The following CEMIP variants were observed in gnomAD, a reference collection of about 807,000 sequenced individuals.
The protein encoded by CEMIP is cell migration-inducing and hyaluronan-binding protein.
CEMIP carries 105 observed loss-of-function variants against 156.9 expected under a neutral mutation model. That is an observed-to-expected ratio of 0.67 (90% CI 0.57 to 0.79). The LOEUF is 0.79. CEMIP is among the 30% of genes least tolerant of loss of function. CEMIP has a pLI of 0.00. For missense variants in CEMIP, 1,457 were observed against 1,769.4 expected (o/e 0.82, Z 3.17); for synonymous variants, 676 against 668.4 (o/e 1.01, Z -0.17).
intron 1 of CEMIP, among the ~76,000 whole-genome samples, chr15:80,819,117 G>A (rs1896854936): frequency 6.6e-6 from 1 of 152,182 alleles, no homozygotes; most frequent in Non-Finnish European, 1.5e-5. Context: ...AGTTTCCACA[G>A]GCTAGCCAGA....
intron 9 of CEMIP, 38 bp from the exon 10 acceptor site, chr15:80,889,433 A>C: frequency 6.2e-7 from 1 of 1,613,634 alleles, no homozygotes. Context: ...CCTCACAGAC[A>C]ACCTCCTGTC....
At chr15:80,838,250 C>G (rs189028581) in intron 1 of CEMIP, among the ~76,000 whole-genome samples, 6 of 152,152 alleles carry the variant, frequency 3.9e-5, no homozygotes, top group Admixed American at 3.3e-4. Context: ...GCTGGAGCAA[C>G]GGGTCTTGCA....
Position 80,879,838 on chromosome 15 carries a change from A to C in CEMIP, c.364A>C (p.Ile122Leu). The C allele has an allele frequency of 6.2e-7, 1 of 1,614,166 alleles. No individual in the cohort carries two copies. Among genetic ancestry groups the C allele is most frequent in the Non-Finnish European group, 8.5e-7 (1 of 1,180,008 alleles). Residue 122 changes from isoleucine to leucine, a missense_variant, in exon 5 of 30, where the codon ATC becomes CTC. Transcript: ENST00000394685. ...ALCPFQGNFT[I>L]ILYGRADEGI... is the part of the protein sequence containing the mutation. ...CTGCCCTTTCCAGGGCAATTTCACC[A>C]TCATTTTGTATGGAAGGTGCGTAGA...
intron 9 of CEMIP, among the ~76,000 whole-genome samples, chr15:80,889,122 A>T (rs746601894): frequency 8.5e-5 from 13 of 152,220 alleles, no homozygotes; most frequent in African/African-American, 1.7e-4. Context: ...CCTGCCCTCC[A>T]AATAGCCCAC....
chr15:80,868,119 G>T (rs1898181016), intron 1 of CEMIP, among the ~76,000 whole-genome samples: 1 of 152,104 alleles, frequency 6.6e-6, no homozygotes, highest in South Asian at 2.1e-4. Context: ...TCCTCCAGGA[G>T]CCACGGCATG....
rs371136482 is a variant in CEMIP at position 80,900,822 on chromosome 15, C to T, written c.1411+4762C>T. The stretch of plus-strand genomic sequence containing the variant: ...CTTCTCCCTTTTCTGTGAGCCCCAC[C>T]CACCCACCTAGGGACACAGCTATCT... On this transcript the variant is annotated intron_variant, in intron 12 of 29. Coordinates refer to ENST00000394685, the MANE Select transcript of CEMIP (RefSeq NM_001293298.2). 475 of 379,058 alleles carry T rather than the reference C, an allele frequency of 1.3e-3. 5 individuals are homozygous for T. The highest frequency in any genetic ancestry group is 8.8e-3 in the South Asian group (460 of 52,324). The allele number at this position is 379,058 out of a possible 1,614,324, so 23.5% of individuals were successfully genotyped here.
chr15:80,800,754 G>A (rs966911981), intron 1 of CEMIP, among the ~76,000 whole-genome samples: 5 of 152,116 alleles, frequency 3.3e-5, no homozygotes, highest in Admixed American at 1.3e-4. Flanking sequence ...TGATATTCTC[G>A]CCATCTCTGT....
intron 12 of CEMIP, among the ~76,000 whole-genome samples, chr15:80,904,526 C>CTCCCTT (rs1899710542): frequency 6.6e-6 from 1 of 152,124 alleles, no homozygotes; most frequent in Admixed American, 6.5e-5. Context: ...AATTAAGGTT[C>CTCCCTT]TGGAGATGGG....
At chr15:80,907,678 A>G (rs1899867441) in intron 13 of CEMIP, among the ~76,000 whole-genome samples, 2 of 152,244 alleles carry the variant, frequency 1.3e-5, no homozygotes, top group Non-Finnish European at 1.5e-5. Flanking sequence ...TTACCGCACA[A>G]TATAGGAAAA....
rs1286637992 is a variant in CEMIP, at chr15:80,951,379, C to A, written c.*2455C>A. On this transcript the variant is annotated 3_prime_UTR_variant, in exon 30 of 30. Transcript: ENST00000394685. ...ATATCTAGGCATTTTCTTGGTAGCA[C>A]AAATTTTCTTATTGCTTAGAAAATT... 1 of 152,590 alleles carries A rather than the reference C, an allele frequency of 6.6e-6. No individual in the cohort carries two copies. The highest frequency in any genetic ancestry group is 2.4e-5 in the African/African-American group (1 of 41,436). 9.5% of individuals were successfully genotyped at this position (152,590 alleles called of 1,614,324 possible).
At chr15:80,907,167 G>C (rs1020243494) in intron 13 of CEMIP, among the ~76,000 whole-genome samples, 4 of 152,276 alleles carry the variant, frequency 2.6e-5, no homozygotes, top group Admixed American at 1.3e-4. Flanking sequence ...TTATTGCCCT[G>C]ATCACTTCCT....
intron 1 of CEMIP, among the ~76,000 whole-genome samples, chr15:80,822,221 G>C (rs1033103716): frequency 1.3e-5 from 2 of 152,138 alleles, no homozygotes; most frequent in Non-Finnish European, 2.9e-5. Flanking sequence ...TCCCAGTGCC[G>C]AGCCCAGAGC....
chr15:80,931,807 C>T, intron 21 of CEMIP, 52 bp from the exon 22 acceptor site: 2 of 1,574,252 alleles, frequency 1.3e-6, no homozygotes, highest in Non-Finnish European at 1.7e-6. Context: ...TTCCTTAACT[C>T]CATAGGAATG....
intron 1 of CEMIP, among the ~76,000 whole-genome samples, chr15:80,796,189 G>T (rs1896218837): frequency 6.6e-6 from 1 of 152,166 alleles, no homozygotes; most frequent in Non-Finnish European, 1.5e-5. Context: ...GCCTAGGCTG[G>T]TTTCAAATTC....
chr15:80,939,449 T>C (rs750340505), intron 25 of CEMIP, among the ~76,000 whole-genome samples: 23 of 152,176 alleles, frequency 1.5e-4, no homozygotes, highest in Non-Finnish European at 3.2e-4. Context: ...CTAGGAAATA[T>C]TATGATTAAA....
At chr15:80,921,852 A>G (rs1900484267) in intron 16 of CEMIP, among the ~76,000 whole-genome samples, 157 bp from the exon 17 acceptor site, 2 of 152,164 alleles carry the variant, frequency 1.3e-5, no homozygotes, top group South Asian at 2.1e-4. Flanking sequence ...CCCAGACTGG[A>G]CCACATGGAG....
chr15:80,944,391 G>A (rs901205356), intron 28 of CEMIP, among the ~76,000 whole-genome samples: 3 of 152,230 alleles, frequency 2.0e-5, no homozygotes, highest in Middle Eastern at 3.2e-3. Context: ...TTGGGGCCAT[G>A]TCTAACTTCC....
intron 1 of CEMIP, among the ~76,000 whole-genome samples, chr15:80,845,817 A>G (rs1377589635): frequency 6.6e-6 from 1 of 152,206 alleles, no homozygotes; most frequent in Non-Finnish European, 1.5e-5. Context: ...GGATGGGATC[A>G]GAGAAAATGG....
chr15:80,920,152 C>G lies in CEMIP; in HGVS notation c.1856C>G (p.Pro619Arg). 6.2e-7 allele frequency: 1 copy of G among 1,614,168 alleles called. No homozygotes were observed. The highest frequency in any genetic ancestry group is 8.5e-7 in the Non-Finnish European group (1 of 1,180,030). ...CACTGCTTCTTCACGGAAGATGGGC[C>G]GGAGGAACGCAACACTTTTGACCAC... ...LGHCFFTEDG[P>R]EERNTFDHCL... Residue 619 changes from proline (P) to arginine (R), a missense_variant, in exon 15 of 30, where the codon CCG (proline) becomes CGG (arginine). Pro to Arg is a moderately radical substitution (Grantham distance 103). Transcript: ENST00000394685.
Sources: gnomAD v4.1 joint callset for allele counts (sites outside exome capture counted in the v4.1 genomes callset) on GRCh38, gnomAD v4.1.1 for gene constraint, MANE v1.5 for transcripts, NCBI Gene and HGNC (gene_info 2026-07-23, HGNC 2026-07-21) for gene names.